PCSK5: variants seen among roughly 807,000 people sequenced by gnomAD.
The protein encoded by PCSK5 is proprotein convertase subtilisin/kexin type 5.
In PCSK5, 129 loss-of-function variants were observed where a neutral mutation model predicts 233.2. That is an observed-to-expected ratio of 0.55 (90% CI 0.48 to 0.64). The LOEUF (loss-of-function observed/expected upper bound fraction) is 0.64, where lower values mean the gene tolerates loss of function less well. PCSK5 is among the 30% of genes least tolerant of loss of function. The probability of loss-of-function intolerance (pLI) is 0.00; values close to 1 mark genes in which losing one functional copy is unlikely to be tolerated. For synonymous variants in PCSK5, 825 were observed against 879.2 expected (o/e 0.94, Z 1.09); for missense variants, 2,076 against 2,430.1 (o/e 0.85, Z 3.06).
chr9:76,067,888 C>A, intron 5 of PCSK5, 67 bp from the exon 6 acceptor site: 1 of 1,211,598 alleles, frequency 8.3e-7, no homozygotes, highest in Non-Finnish European at 1.2e-6. Flanking sequence ...TGAGTGGTGG[C>A]AGTGACGCGT....
At chr9:76,235,450 A>T (rs892554057) in intron 22 of PCSK5, among the ~76,000 whole-genome samples, 2 of 152,196 alleles carry the variant, frequency 1.3e-5, no homozygotes, top group African/African-American at 4.8e-5. Flanking sequence ...ACTTGGACCA[A>T]TCTACCTATA....
chr9:75,958,555 G>A (rs1825196266), intron 2 of PCSK5, among the ~76,000 whole-genome samples: 1 of 152,168 alleles, frequency 6.6e-6, no homozygotes, highest in South Asian at 2.1e-4. Context: ...CAAAACCTGT[G>A]TTGAGGATCC....
intron 20 of PCSK5, chr9:76,195,720 T>G (rs1408449212): frequency 6.6e-6 from 1 of 152,212 alleles, no homozygotes; most frequent in African/African-American, 2.4e-5. Flanking sequence ...TTTCAATTAG[T>G]GACCCATTGT....
intron 7 of PCSK5, among the ~76,000 whole-genome samples, chr9:76,094,134 C>CA (rs923328991): frequency 1.3e-5 from 2 of 152,030 alleles, no homozygotes; most frequent in African/African-American, 4.8e-5. Context: ...AGTTCAAGGA[C>CA]AAAAAGAAAG....
chr9:75,907,543 A>G (rs553922818), intron 1 of PCSK5, among the ~76,000 whole-genome samples: 2 of 152,178 alleles, frequency 1.3e-5, no homozygotes, highest in Non-Finnish European at 2.9e-5. Context: ...TAGCAGGGTC[A>G]TTCTTCTGAT....
chr9:76,153,017 T>G (rs1045695987), intron 10 of PCSK5, among the ~76,000 whole-genome samples: 1 of 152,180 alleles, frequency 6.6e-6, no homozygotes, highest in Non-Finnish European at 1.5e-5. Flanking sequence ...TAGCTTTGAA[T>G]AAAAACTAGC....
intron 16 of PCSK5, among the ~76,000 whole-genome samples, chr9:76,182,231 C>T (rs1394068603): frequency 6.6e-6 from 1 of 152,214 alleles, no homozygotes; most frequent in African/African-American, 2.4e-5. Context: ...GGACAACATT[C>T]AGGCTGCTCT....
At chr9:76,280,521 C>T (rs1409133673) in intron 24 of PCSK5, among the ~76,000 whole-genome samples, 9 of 152,212 alleles carry the variant, frequency 5.9e-5, no homozygotes, top group South Asian at 2.1e-4. Flanking sequence ...GCAGGAGGAT[C>T]GCTTGAGCCC....
intron 24 of PCSK5, among the ~76,000 whole-genome samples, chr9:76,284,982 G>A (rs756602634): frequency 2.6e-5 from 4 of 152,172 alleles, no homozygotes; most frequent in Non-Finnish European, 4.4e-5. Flanking sequence ...TGGAGGGTGA[G>A]CATAACGTGT....
chr9:76,323,391 G>C, intron 32 of PCSK5, 103 bp downstream of exon 32: 2 of 712,572 alleles, frequency 2.8e-6, no homozygotes, highest in Non-Finnish European at 4.7e-6. Context: ...GTTGTGTTTT[G>C]TTTTTGTTTT....
chr9:75,953,392 A>G (rs1028409372), intron 2 of PCSK5, among the ~76,000 whole-genome samples: 13 of 152,300 alleles, frequency 8.5e-5, no homozygotes, highest in African/African-American at 3.1e-4. Flanking sequence ...ATGTGGCAAT[A>G]GTTACACCAG....
intron 24 of PCSK5, among the ~76,000 whole-genome samples, chr9:76,279,945 T>C (rs1827816958): frequency 5.9e-5 from 9 of 152,054 alleles, no homozygotes; most frequent in Admixed American, 5.9e-4. Context: ...ATTTTGTCTT[T>C]TGTTGCCATT....
intron 10 of PCSK5, among the ~76,000 whole-genome samples, chr9:76,141,553 C>A (rs911092838): frequency 1.3e-5 from 2 of 152,094 alleles, no homozygotes; most frequent in Non-Finnish European, 2.9e-5. Flanking sequence ...AGGTATACAT[C>A]CATGTGACCA....
At chr9:76,278,368 G>T (rs1019680267) in intron 24 of PCSK5, among the ~76,000 whole-genome samples, 2 of 152,096 alleles carry the variant, frequency 1.3e-5, no homozygotes, top group Non-Finnish European at 2.9e-5. Context: ...AATGCCAGGA[G>T]ACAAAATGGG....
intron 10 of PCSK5, among the ~76,000 whole-genome samples, chr9:76,153,946 C>T (rs913962958): frequency 6.6e-6 from 1 of 152,164 alleles, no homozygotes; most frequent in Non-Finnish European, 1.5e-5. Context: ...CTCAAATGGT[C>T]ACCAAAAACG....
rs190152436 is a variant in PCSK5, at chr9:76,054,097, C to T, written c.633-13858C>T. 4.7e-3 allele frequency among the ~76,000 whole-genome samples: 717 copies of T among 152,190 alleles called. 14 individuals are homozygous for T. The highest frequency in any genetic ancestry group is 6.8e-3 in the Middle Eastern group (2 of 294). On this transcript the variant is annotated intron_variant, in intron 5 of 37. Coordinates refer to ENST00000674117, the MANE Select transcript of PCSK5 (RefSeq NM_001372043.1). Reference sequence around the variant, plus strand: ...TGCAGGGAAACTGCCCTTTATAAAACCATCAGCTCTCATAAGACTTACTAT... The same window carrying T: ...TGCAGGGAAACTGCCCTTTATAAAATCATCAGCTCTCATAAGACTTACTAT...
At chr9:75,937,323 CA>C (rs1410983756) in intron 2 of PCSK5, among the ~76,000 whole-genome samples, 1 of 151,958 alleles carries the variant, frequency 6.6e-6, no homozygotes, top group African/African-American at 2.4e-5. Flanking sequence ...GGATTACAGG[CA>C]TCTGCCACTA....
chr9:76,025,815 A>G (rs1372877153), intron 4 of PCSK5, among the ~76,000 whole-genome samples: 1 of 152,204 alleles, frequency 6.6e-6, no homozygotes, highest in Non-Finnish European at 1.5e-5. Context: ...TAAGTACTCA[A>G]ATAACCAGAA....
chr9:76,207,512 CACTT>C (rs1177912820), intron 20 of PCSK5, among the ~76,000 whole-genome samples: 3 of 152,174 alleles, frequency 2.0e-5, no homozygotes, highest in Non-Finnish European at 2.9e-5. Flanking sequence ...TTTTATTAAA[CACTT>C]ACTATGTGTT....
Sources: gnomAD v4.1 joint callset for allele counts (sites outside exome capture counted in the v4.1 genomes callset) on GRCh38, gnomAD v4.1.1 for gene constraint, MANE v1.5 for transcripts, NCBI Gene and HGNC (gene_info 2026-07-23, HGNC 2026-07-21) for gene names.